The following CDH20 variants were observed in gnomAD, a reference collection of about 807,000 sequenced individuals.
CDH20 encodes the protein cadherin-20.
A neutral mutation model predicts 74.2 loss-of-function variants in CDH20; 29 were observed. The observed-to-expected ratio is 0.39, with a 90% CI of 0.29 to 0.53. The LOEUF is 0.53. Ranked by LOEUF, CDH20 falls within the 20% of genes least tolerant of loss-of-function variation. The probability of loss-of-function intolerance (pLI) is 0.69; values close to 1 mark genes in which losing one functional copy is unlikely to be tolerated. For synonymous variants in CDH20, 469 were observed against 405.4 expected (o/e 1.16, Z -1.88); for missense variants, 988 against 1,048.3 (o/e 0.94, Z 0.79).
intron 6 of CDH20, among the ~76,000 whole-genome samples, chr18:61,511,209 T>C (rs1019616221): frequency 1.1e-4 from 16 of 151,608 alleles, no homozygotes; most frequent in Admixed American, 3.3e-4. Flanking sequence ...CAAGCTGGAG[T>C]GCAATGGCAT....
chr18:61,445,872 T>C (rs1176348255), intron 1 of CDH20, among the ~76,000 whole-genome samples: 1 of 152,188 alleles, frequency 6.6e-6, no homozygotes, highest in African/African-American at 2.4e-5. Flanking sequence ...GAGGGTCTGC[T>C]TTCCAGATGG....
intron 7 of CDH20, among the ~76,000 whole-genome samples, chr18:61,530,145 T>C (rs912756261): frequency 2.0e-5 from 3 of 152,208 alleles, no homozygotes; most frequent in African/African-American, 7.2e-5. Context: ...TGCATTTTGG[T>C]TACAAAGAAA....
chr18:61,543,691 C>A (rs1913123760), intron 9 of CDH20, among the ~76,000 whole-genome samples: 1 of 152,214 alleles, frequency 6.6e-6, no homozygotes. Context: ...CCTGTGCTAT[C>A]TTTGCTAGCT....
rs568299751 is a variant in CDH20, at chr18:61,415,188, C to T, written c.-152-75214C>T. On this transcript the variant is annotated intron_variant, in intron 1 of 11. Coordinates refer to ENST00000262717, the MANE Select transcript of CDH20 (RefSeq NM_031891.4). ...GTATATTTATCATCTAATTAGCTCC[C>T]TATTTTCAATTAACCCCCAACATAC... 7.9e-5 allele frequency among the ~76,000 whole-genome samples: 12 copies of T among 152,228 alleles called. No individual in the cohort carries two copies. The South Asian group carries it at 2.1e-3, about 26-fold the overall frequency.
intron 1 of CDH20, among the ~76,000 whole-genome samples, chr18:61,335,046 C>T (rs1393766087): frequency 2.0e-5 from 3 of 152,038 alleles, no homozygotes; most frequent in African/African-American, 4.8e-5. Context: ...ATTGGATCTA[C>T]CTAAGAACAA....
chr18:61,414,792 A>T (rs1222163148), intron 1 of CDH20, among the ~76,000 whole-genome samples: 1 of 151,940 alleles, frequency 6.6e-6, no homozygotes, highest in Non-Finnish European at 1.5e-5. Context: ...AATAATTATT[A>T]AGAATTTTAA....
intron 8 of CDH20, among the ~76,000 whole-genome samples, 184 bp downstream of exon 8, chr18:61,536,813 T>TA (rs1912833450): frequency 6.6e-6 from 1 of 152,214 alleles, no homozygotes; most frequent in Non-Finnish European, 1.5e-5. Flanking sequence ...CTTGTATACT[T>TA]AGTCCTGTGC....
chr18:61,479,667 TC>T (rs11310176), intron 1 of CDH20, among the ~76,000 whole-genome samples: 141,849 of 152,082 alleles, frequency 0.93, 66,485 homozygotes, highest in Non-Finnish European at 0.99. Flanking sequence ...TCACTATTTT[TC>T]CCCCCTAATG....
intron 1 of CDH20, among the ~76,000 whole-genome samples, chr18:61,342,645 C>T (rs1393509114): frequency 6.6e-6 from 1 of 152,220 alleles, no homozygotes; most frequent in Non-Finnish European, 1.5e-5. Flanking sequence ...CACAAAATGT[C>T]TCCAGACATT....
intron 1 of CDH20, among the ~76,000 whole-genome samples, chr18:61,422,265 G>A (rs1645128522): frequency 6.6e-6 from 1 of 152,114 alleles, no homozygotes; most frequent in South Asian, 2.1e-4. Context: ...TGCAGGGAAA[G>A]CAACTGGCAG....
chr18:61,502,880 C>T, intron 4 of CDH20, 73 bp from the exon 5 acceptor site: 1 of 1,265,318 alleles, frequency 7.9e-7, no homozygotes, highest in Admixed American at 2.2e-5. Flanking sequence ...ACCAGGGAGA[C>T]ACCTAGAAAC....
chr18:61,413,586 G>A (rs1345229407), intron 1 of CDH20, among the ~76,000 whole-genome samples: 4 of 152,126 alleles, frequency 2.6e-5, no homozygotes, highest in Admixed American at 2.0e-4. Context: ...AGTGAAGGAT[G>A]TGCTGCATTG....
At chr18:61,453,317 A>C (rs1909459723) in intron 1 of CDH20, among the ~76,000 whole-genome samples, 1 of 152,172 alleles carries the variant, frequency 6.6e-6, no homozygotes, top group African/African-American at 2.4e-5. Flanking sequence ...CTGCTCTGTC[A>C]CCCAGGCTAG....
chr18:61,521,155 T>C (rs1024122834), intron 6 of CDH20, among the ~76,000 whole-genome samples: 3 of 149,838 alleles, frequency 2.0e-5, no homozygotes, highest in Admixed American at 2.0e-4. Context: ...TTGAAAAGAT[T>C]AACAAAATAG....
At chr18:61,492,722 C>T (rs1599122691) in intron 2 of CDH20, among the ~76,000 whole-genome samples, 1 of 152,226 alleles carries the variant, frequency 6.6e-6, no homozygotes, top group African/African-American at 2.4e-5. Flanking sequence ...CTAAGGCAAG[C>T]CCCTCTGTTA....
chr18:61,498,386 C>T (rs752140461), intron 2 of CDH20, among the ~76,000 whole-genome samples: 60 of 147,256 alleles, frequency 4.1e-4, no homozygotes, highest in East Asian at 6.1e-4. Flanking sequence ...GGTGACAGGG[C>T]GAAACTCTGT....
intron 1 of CDH20, among the ~76,000 whole-genome samples, chr18:61,402,363 G>A (rs1912182656): frequency 6.6e-6 from 1 of 151,912 alleles, no homozygotes; most frequent in South Asian, 2.1e-4. Flanking sequence ...CCAAATATAG[G>A]ACAACATAGA....
At chr18:61,496,715 A>G (rs1025951064) in intron 2 of CDH20, among the ~76,000 whole-genome samples, 4 of 152,228 alleles carry the variant, frequency 2.6e-5, no homozygotes, top group African/African-American at 4.8e-5. Flanking sequence ...TATTTGATAA[A>G]TAGAGCACCT....
At chr18:61,373,976 G>A (rs772973151) in intron 1 of CDH20, among the ~76,000 whole-genome samples, 1 of 152,100 alleles carries the variant, frequency 6.6e-6, no homozygotes, top group Non-Finnish European at 1.5e-5. Context: ...AATTGTCTTC[G>A]ACGCTTTGTC....
Sources: gnomAD v4.1 joint callset for allele counts (sites outside exome capture counted in the v4.1 genomes callset) on GRCh38, gnomAD v4.1.1 for gene constraint, MANE v1.5 for transcripts, NCBI Gene and HGNC (gene_info 2026-07-23, HGNC 2026-07-21) for gene names.